NCKAP5: variants seen among roughly 807,000 people sequenced by gnomAD.
NCKAP5 encodes nck-associated protein 5.
In NCKAP5, 92 loss-of-function variants were observed where a neutral mutation model predicts 167.0. The ratio of observed to expected loss-of-function variants is 0.55; its 90% CI spans 0.47 to 0.66. The LOEUF (loss-of-function observed/expected upper bound fraction) is 0.66. NCKAP5 is among the 30% of genes least tolerant of loss of function. NCKAP5 has a pLI of 0.00. For synonymous variants in NCKAP5, 891 were observed against 877.4 expected (o/e 1.02, Z -0.27); for missense variants, 2,378 against 2,315.0 (o/e 1.03, Z -0.56).
rs530890771 is a variant in NCKAP5 at position 132,909,038 on chromosome 2, A to G, written c.580-30122T>C. ...GGCAATCTCACGGTAAGCAGTTTTTAAAAAATCGATTAAAAAAGAAAATAC... is the reference window on the plus strand; with the variant it reads ...GGCAATCTCACGGTAAGCAGTTTTTGAAAAATCGATTAAAAAAGAAAATAC... On this transcript the variant is annotated intron_variant, in intron 8 of 19. Transcript: ENST00000409261. Among the ~76,000 whole-genome samples, 178 of 152,294 alleles carry G rather than the reference A, an allele frequency of 1.2e-3. 1 individual carries two copies. Among genetic ancestry groups the G allele is most frequent in the Non-Finnish European group, 1.1e-3 (73 of 68,026 alleles).
At chr2:133,497,185 A>T (rs958231374) in intron 3 of NCKAP5, among the ~76,000 whole-genome samples, 1 of 152,218 alleles carries the variant, frequency 6.6e-6, no homozygotes, top group African/African-American at 2.4e-5. Flanking sequence ...TTAATGCAAC[A>T]CATTTATTTC....
At chr2:132,930,626 T>G (rs1261319084) in intron 8 of NCKAP5, 1 of 152,210 alleles carries the variant, frequency 6.6e-6, no homozygotes, top group Non-Finnish European at 1.5e-5. Flanking sequence ...TGATCTGAAT[T>G]ACACCACTGG....
intron 2 of NCKAP5, among the ~76,000 whole-genome samples, chr2:133,534,001 T>C (rs992905280): frequency 1.1e-4 from 17 of 152,182 alleles, no homozygotes; most frequent in African/African-American, 4.1e-4. Flanking sequence ...TATGGATATT[T>C]TGACCTGGAT....
At chr2:132,878,543 G>T (rs1173431705) in intron 9 of NCKAP5, among the ~76,000 whole-genome samples, 1 of 151,372 alleles carries the variant, frequency 6.6e-6, no homozygotes, top group Non-Finnish European at 1.5e-5. Flanking sequence ...TGTGGCCCAA[G>T]AATATGAAAC....
chr2:132,715,927 C>T (rs1689331011), intron 19 of NCKAP5, among the ~76,000 whole-genome samples: 1 of 152,116 alleles, frequency 6.6e-6, no homozygotes, highest in Non-Finnish European at 1.5e-5. Flanking sequence ...TTCTAATACC[C>T]AAAGGTTAAT....
intron 3 of NCKAP5, among the ~76,000 whole-genome samples, chr2:133,485,287 C>T (rs956041): frequency 0.2 from 29,759 of 151,980 alleles, 4,595 homozygotes; most frequent in African/African-American, 0.43. Context: ...GTCTTTCCTC[C>T]CCCCGACAGC....
chr2:132,845,461 T>A (rs1443101545), intron 11 of NCKAP5, among the ~76,000 whole-genome samples: 1 of 152,176 alleles, frequency 6.6e-6, no homozygotes, highest in Non-Finnish European at 1.5e-5. Context: ...GTAAAATTTA[T>A]ATTTCCTTAT....
intron 6 of NCKAP5, among the ~76,000 whole-genome samples, chr2:133,000,405 T>G (rs1354328655): frequency 3.9e-5 from 6 of 152,154 alleles, no homozygotes; most frequent in Admixed American, 1.3e-4. Context: ...CAGCCCCATG[T>G]AGAGAACAAT....
intron 2 of NCKAP5, among the ~76,000 whole-genome samples, chr2:133,542,679 T>A (rs1202899473): frequency 6.6e-6 from 1 of 152,190 alleles, no homozygotes; most frequent in African/African-American, 2.4e-5. Context: ...CTTCATCCCA[T>A]CACCATTTGA....
intron 3 of NCKAP5, among the ~76,000 whole-genome samples, chr2:133,500,118 C>T (rs558742706): frequency 2.0e-5 from 3 of 152,116 alleles, no homozygotes; most frequent in East Asian, 1.9e-4. Flanking sequence ...CTTTTAAGAA[C>T]GTGGATGTCT....
chr2:133,140,226 C>T (rs2082946138), intron 5 of NCKAP5, among the ~76,000 whole-genome samples: 1 of 152,152 alleles, frequency 6.6e-6, no homozygotes, highest in Non-Finnish European at 1.5e-5. Flanking sequence ...GTTTCCTTTT[C>T]TGTGGAGACA....
intron 16 of NCKAP5, among the ~76,000 whole-genome samples, chr2:132,747,383 C>T (rs1559003477): frequency 6.6e-6 from 1 of 152,120 alleles, no homozygotes; most frequent in Non-Finnish European, 1.5e-5. Context: ...CTATGCAGGT[C>T]ACAAAGGGCT....
chr2:133,346,770 G>C (rs1684006573), intron 3 of NCKAP5, among the ~76,000 whole-genome samples: 1 of 152,230 alleles, frequency 6.6e-6, no homozygotes, highest in Non-Finnish European at 1.5e-5. Context: ...GATGCAACAG[G>C]AGGGCCACTT....
chr2:133,596,135 C>T, the NCKAP5 span: 52,684 of 156,972 alleles, frequency 0.34, 10,339 homozygotes, highest in Middle Eastern at 0.52. Flanking sequence ...CCTCATTGAT[C>T]GCCAGGGTTG....
intron 3 of NCKAP5, among the ~76,000 whole-genome samples, chr2:133,425,223 T>A (rs755544605): frequency 2.6e-5 from 4 of 152,222 alleles, no homozygotes; most frequent in Non-Finnish European, 5.9e-5. Context: ...TCTGAAACAT[T>A]ATCGCACAGG....
intron 6 of NCKAP5, among the ~76,000 whole-genome samples, chr2:133,055,938 A>T (rs769312709): frequency 6.6e-6 from 1 of 152,202 alleles, no homozygotes; most frequent in Non-Finnish European, 1.5e-5. Flanking sequence ...TGGGAACAAT[A>T]AATGCTTTCT....
the NCKAP5 span, among the ~76,000 whole-genome samples, chr2:133,668,965 G>A: frequency 6.6e-6 from 1 of 152,172 alleles, no homozygotes; most frequent in Non-Finnish European, 1.5e-5. Flanking sequence ...AGACCTGAGA[G>A]TGGGAGTTTG....
Position 132,784,460 on chromosome 2 carries a change from C to T in NCKAP5, c.2351G>A (p.Ser784Asn). ...CATGGGTGCCGAAGACCTGGAATTA[C>T]TCTGGCATGATATATTGTGTGTTGG... ...VKPTHNISCQ[S>N]NSRSSAPMGI... Residue 784 changes from serine to asparagine, a missense_variant, in exon 14 of 20, where the codon AGT becomes AAT. By Grantham distance (46) the Ser-to-Asn change is conservative. Coordinates refer to ENST00000409261, the MANE Select transcript of NCKAP5 (RefSeq NM_207363.3). 1 of 1,602,156 alleles carries T rather than the reference C, an allele frequency of 6.2e-7. No individual in the cohort carries two copies.
intron 5 of NCKAP5, among the ~76,000 whole-genome samples, chr2:133,205,207 C>T (rs1010131089): frequency 6.6e-6 from 1 of 151,920 alleles, no homozygotes; most frequent in African/African-American, 2.4e-5. Context: ...GCAGGTGGGT[C>T]GCTTGAGCCC....
Sources: allele counts gnomAD v4.1 joint callset (sites outside exome capture counted in the v4.1 genomes callset), GRCh38; gene constraint gnomAD v4.1.1; transcripts MANE v1.5; gene names NCBI Gene and HGNC (gene_info 2026-07-23, HGNC 2026-07-21).